Variants in CDH18 observed in about 807,000 individuals in gnomAD.
CDH18 encodes cadherin-18.
Under a neutral mutation model 67.9 loss-of-function variants are expected in CDH18, and 31 were observed. The ratio of observed to expected loss-of-function variants is 0.46; its 90% CI spans 0.34 to 0.62. The LOEUF is 0.62. Among genes scored for constraint, CDH18 ranks in the 20% least tolerant of loss-of-function variants. The probability of loss-of-function intolerance (pLI) is 0.01; values close to 1 mark genes in which losing one functional copy is unlikely to be tolerated. For missense variants in CDH18, 890 were observed against 975.5 expected (o/e 0.91, Z 1.17); for synonymous variants, 362 against 347.2 (o/e 1.04, Z -0.48).
At chr5:20,423,429 T>C (rs941673502) in intron 1 of CDH18, among the ~76,000 whole-genome samples, 1 of 151,106 alleles carries the variant, frequency 6.6e-6, no homozygotes, top group African/African-American at 2.5e-5. Context: ...GTTTGTTCAA[T>C]TGAAATACAC....
intron 2 of CDH18, among the ~76,000 whole-genome samples, chr5:20,201,270 C>T (rs1162651534): frequency 6.6e-6 from 1 of 151,984 alleles, no homozygotes; most frequent in African/African-American, 2.4e-5. Context: ...TCTTCTTCTT[C>T]TAAGGACATG....
intron 5 of CDH18, among the ~76,000 whole-genome samples, chr5:19,675,709 C>T (rs145215632): frequency 0.016 from 2,505 of 151,918 alleles, 55 homozygotes; most frequent in East Asian, 0.11. Flanking sequence ...GGTCCTGAGG[C>T]GACATTCATC....
At chr5:19,924,957 T>C (rs539796225) in intron 2 of CDH18, among the ~76,000 whole-genome samples, 1 of 152,314 alleles carries the variant, frequency 6.6e-6, no homozygotes, top group South Asian at 2.1e-4. Flanking sequence ...GTACCGATGC[T>C]AAGCCATCAA....
intron 1 of CDH18, among the ~76,000 whole-genome samples, chr5:20,360,938 A>C (rs1742041012): frequency 6.6e-6 from 1 of 152,160 alleles, no homozygotes; most frequent in African/African-American, 2.4e-5. Flanking sequence ...AATGCTTTTA[A>C]AAACATTGTA....
At chr5:20,202,863 T>C (rs955397953) in intron 2 of CDH18, among the ~76,000 whole-genome samples, 1 of 152,052 alleles carries the variant, frequency 6.6e-6, no homozygotes, top group Non-Finnish European at 1.5e-5. Flanking sequence ...TGGGAGTTTC[T>C]TGCAAAATAG....
At chr5:19,750,108 T>A (rs1341906362) in intron 3 of CDH18, among the ~76,000 whole-genome samples, 1 of 152,080 alleles carries the variant, frequency 6.6e-6, no homozygotes, top group Non-Finnish European at 1.5e-5. Flanking sequence ...GGTTAAATCT[T>A]GAAATAAGCA....
At chr5:20,390,062 A>C (rs1011775160) in intron 1 of CDH18, among the ~76,000 whole-genome samples, 33 of 152,216 alleles carry the variant, frequency 2.2e-4, no homozygotes, top group Non-Finnish European at 3.8e-4. Flanking sequence ...CAATACCATT[A>C]AGGACATAGG....
chr5:20,570,353 TA>T lies in CDH18; in HGVS notation c.-580+5108del, dbSNP rs200836079. Among the ~76,000 whole-genome samples, 135 of 148,586 alleles carry T rather than the reference TA, an allele frequency of 9.1e-4. 1 individual carries two copies. In the East Asian group the frequency reaches 0.012, roughly 14 times the overall value. On this transcript the variant is annotated intron_variant, in intron 1 of 14. Coordinates refer to the CDH18 transcript ENST00000507958. ...TGATTGGAAAATAAAGTCTGTTCAT[TA>T]AAAAAAAAATGAAGTATGTGCCATA...
chr5:20,564,827 T>C (rs1173218914), intron 1 of CDH18, among the ~76,000 whole-genome samples: 1 of 152,162 alleles, frequency 6.6e-6, no homozygotes, highest in Non-Finnish European at 1.5e-5. Flanking sequence ...TAGCCAATTA[T>C]TTTTATATTA....
chr5:19,570,585 T>C (rs1741220268), intron 8 of CDH18, among the ~76,000 whole-genome samples: 1 of 152,152 alleles, frequency 6.6e-6, no homozygotes, highest in South Asian at 2.1e-4. Flanking sequence ...AAGGATTTCA[T>C]GGTAAAAATT....
intron 1 of CDH18, among the ~76,000 whole-genome samples, chr5:20,258,354 C>T (rs1457037316): frequency 6.6e-6 from 1 of 152,132 alleles, no homozygotes; most frequent in African/African-American, 2.4e-5. Flanking sequence ...TATCCAGTAA[C>T]TATTTCTTCA....
At chr5:20,367,460 T>A (rs1478475399) in intron 1 of CDH18, among the ~76,000 whole-genome samples, 1 of 152,110 alleles carries the variant, frequency 6.6e-6, no homozygotes, top group Non-Finnish European at 1.5e-5. Context: ...AGGAGGCGGG[T>A]TCTATGCCTG....
At chr5:20,380,640 T>C (rs760089693) in intron 1 of CDH18, among the ~76,000 whole-genome samples, 9 of 152,156 alleles carry the variant, frequency 5.9e-5, no homozygotes, top group Non-Finnish European at 1.2e-4. Context: ...GAAGTTAAGG[T>C]ATTATTTTTG....
intron 2 of CDH18, among the ~76,000 whole-genome samples, chr5:20,245,477 C>T (rs1580571276): frequency 6.6e-6 from 1 of 151,982 alleles, no homozygotes; most frequent in Non-Finnish European, 1.5e-5. Flanking sequence ...AGCCAGAAAA[C>T]CTGAGTGTGA....
At chr5:19,990,148 G>A (rs955962418), upstream of CDH18, among the ~76,000 whole-genome samples, 4 of 152,072 alleles carry the variant, frequency 2.6e-5, no homozygotes, top group African/African-American at 9.7e-5. Context: ...AGCCCTGAGT[G>A]CCCAAAGAAA....
At chr5:19,681,890 T>G (rs1430933729) in intron 5 of CDH18, among the ~76,000 whole-genome samples, 6 of 152,066 alleles carry the variant, frequency 3.9e-5, no homozygotes, top group Non-Finnish European at 2.9e-5. Flanking sequence ...GATAAATTAT[T>G]TTGCTACTTC....
intron 1 of CDH18, among the ~76,000 whole-genome samples, chr5:20,429,547 C>T (rs1302084609): frequency 6.6e-6 from 1 of 152,224 alleles, no homozygotes; most frequent in South Asian, 2.1e-4. Context: ...TACTGTCTTT[C>T]CCTTTTTCTT....
intron 6 of CDH18, among the ~76,000 whole-genome samples, chr5:19,604,344 T>G (rs1033048822): frequency 1.3e-5 from 2 of 152,020 alleles, no homozygotes; most frequent in East Asian, 3.9e-4. Flanking sequence ...TTTATAGTAT[T>G]TACTTGAGAA....
rs115329722 is a variant in CDH18, at chr5:19,760,802, A to G, written c.229-13566T>C. On this transcript the variant is annotated intron_variant, in intron 3 of 12. Transcript: ENST00000382275. ...GAGATGATGGGGGTGGCTCCTGAGGATGATCAACATTATCTTGCCTGGCAA... is the reference window on the plus strand; with the variant it reads ...GAGATGATGGGGGTGGCTCCTGAGGGTGATCAACATTATCTTGCCTGGCAA... Among the ~76,000 whole-genome samples the G allele has an allele frequency of 8.9e-3, 1,357 of 152,228 alleles. 21 individuals are homozygous for G. Among genetic ancestry groups the G allele is most frequent in the African/African-American group, 0.031 (1,268 of 41,528 alleles).
Sources: gnomAD v4.1 joint callset for allele counts (sites outside exome capture counted in the v4.1 genomes callset) on GRCh38, gnomAD v4.1.1 for gene constraint, MANE v1.5 for transcripts, NCBI Gene and HGNC (gene_info 2026-07-23, HGNC 2026-07-21) for gene names.